The following RBFOX2 variants were observed in gnomAD, a reference collection of about 807,000 sequenced individuals.
The protein encoded by RBFOX2 is RNA binding protein fox-1 homolog 2.
In RBFOX2, 10 loss-of-function variants were observed where a neutral mutation model predicts 49.1. The observed-to-expected ratio is 0.20, with a 90% CI of 0.13 to 0.35. The LOEUF (loss-of-function observed/expected upper bound fraction) is 0.35, where lower values mean the gene tolerates loss of function less well. Among genes scored for constraint, RBFOX2 ranks in the 10% least tolerant of loss-of-function variants. RBFOX2 has a pLI of 1.00. For synonymous variants in RBFOX2, 183 were observed against 187.4 expected (o/e 0.98, Z 0.19); for missense variants, 323 against 486.9 (o/e 0.66, Z 3.17).
At chr22:35,904,215 T>C (rs565871887) in intron 1 of RBFOX2, among the ~76,000 whole-genome samples, 6 of 152,282 alleles carry the variant, frequency 3.9e-5, no homozygotes, top group Non-Finnish European at 8.8e-5. Context: ...CAGACTCCTC[T>C]ATCTAGTTGG....
At chr22:35,812,871 C>CTCT (rs1253309377) in intron 1 of RBFOX2, among the ~76,000 whole-genome samples, 2 of 152,204 alleles carry the variant, frequency 1.3e-5, no homozygotes, top group African/African-American at 4.8e-5. Flanking sequence ...AGTATGAATT[C>CTCT]TCTCACAGCG....
chr22:35,893,966 T>C lies in RBFOX2; in HGVS notation c.-34+44881A>G, dbSNP rs551264017. On this transcript the variant is annotated intron_variant, in intron 1 of 13. Transcript: ENST00000359369. ...TGTTTGCTCAAGAGACATACTGCCATCTTTGCAACGGACTGTAAGATGTTC... is the reference window on the plus strand; with the variant it reads ...TGTTTGCTCAAGAGACATACTGCCACCTTTGCAACGGACTGTAAGATGTTC... Among the ~76,000 whole-genome samples, 18 of 152,244 alleles carry C rather than the reference T, an allele frequency of 1.2e-4. 1 individual carries two copies. In the South Asian group the frequency reaches 3.5e-3, roughly 30 times the overall value.
upstream of RBFOX2, among the ~76,000 whole-genome samples, chr22:35,940,201 T>C (rs988920792): frequency 6.6e-6 from 1 of 152,170 alleles, no homozygotes; most frequent in African/African-American, 2.4e-5. Context: ...TCATCATGGT[T>C]TCCCTGAGAT....
intron 1 of RBFOX2, among the ~76,000 whole-genome samples, chr22:36,015,234 A>G (rs1285697638): frequency 6.6e-6 from 1 of 152,260 alleles, no homozygotes; most frequent in East Asian, 1.9e-4. Flanking sequence ...TAGTTCAAAT[A>G]TAACACAAAA....
intron 1 of RBFOX2, among the ~76,000 whole-genome samples, chr22:36,023,083 T>C (rs2059305709): frequency 1.3e-5 from 2 of 151,836 alleles, no homozygotes; most frequent in African/African-American, 4.8e-5. Flanking sequence ...AAAAACACAA[T>C]ATTTTTATAA....
chr22:35,789,857 T>C (rs746651576), intron 2 of RBFOX2, among the ~76,000 whole-genome samples: 3 of 152,150 alleles, frequency 2.0e-5, no homozygotes, highest in Non-Finnish European at 4.4e-5. Context: ...TCATTGGTTG[T>C]CTATTCAGGA....
chr22:35,937,047 A>G (rs998298723), intron 1 of RBFOX2, among the ~76,000 whole-genome samples: 8 of 152,214 alleles, frequency 5.3e-5, no homozygotes, highest in African/African-American at 1.9e-4. Context: ...ACAGGATGAA[A>G]CAGAAACTGT....
intron 2 of RBFOX2, among the ~76,000 whole-genome samples, chr22:35,782,919 C>T (rs1050146711): frequency 2.6e-5 from 4 of 151,730 alleles, no homozygotes; most frequent in African/African-American, 7.3e-5. Flanking sequence ...GCATGGTAAC[C>T]CAATACGCTC....
rs560429075 is a variant in RBFOX2 at position 35,971,151 on chromosome 22, C to T, written c.187-32254G>A. ...GGGAAAACGGCCAAATTCAAGCCCA[C>T]GTCAGAGCACACCAGGTATGCTCCC... On this transcript the variant is annotated intron_variant, in intron 1 of 13. Transcript: ENST00000438146. Among the ~76,000 whole-genome samples the T allele has an allele frequency of 2.5e-4, 38 of 152,214 alleles. 1 individual carries two copies. The South Asian group carries it at 3.5e-3, about 14-fold the overall frequency.
exon 1 of RBFOX2, chr22:35,840,198 T>C (rs1958485753): frequency 6.2e-7 from 1 of 1,613,994 alleles, no homozygotes; most frequent in African/African-American, 1.3e-5. Flanking sequence ...TTACCTGAGT[T>C]ACCATTTTCT....
intron 1 of RBFOX2, among the ~76,000 whole-genome samples, chr22:36,000,651 G>GT (rs1443117512): frequency 6.6e-6 from 1 of 152,100 alleles, no homozygotes; most frequent in African/African-American, 2.4e-5. Flanking sequence ...ACCCGGGAAT[G>GT]TTTTTTTATC....
intron 2 of RBFOX2, among the ~76,000 whole-genome samples, chr22:35,797,477 CTAA>C (rs1198040802): frequency 6.6e-6 from 1 of 152,136 alleles, no homozygotes. Context: ...ATATCATATA[CTAA>C]TGTGGGAAAT....
chr22:35,960,047 G>A (rs1404621058), intron 1 of RBFOX2, among the ~76,000 whole-genome samples: 5 of 151,750 alleles, frequency 3.3e-5, no homozygotes, highest in East Asian at 3.9e-4. Flanking sequence ...TTTTCAATCC[G>A]TGGTTGGTTG....
intron 1 of RBFOX2, among the ~76,000 whole-genome samples, chr22:36,013,506 C>G (rs73415769): frequency 6.6e-6 from 1 of 152,134 alleles, no homozygotes; most frequent in African/African-American, 2.4e-5. Context: ...AGTCACTTAA[C>G]CAAGATCCCA....
chr22:35,849,332 CAG>C (rs148438882), intron 1 of RBFOX2, among the ~76,000 whole-genome samples: 10 of 149,612 alleles, frequency 6.7e-5, no homozygotes, highest in Admixed American at 1.3e-4. Flanking sequence ...CACACACACA[CAG>C]ACACACAGAA....
chr22:35,861,530 T>C lies in RBFOX2; in HGVS notation c.-33-51526A>G, dbSNP rs144263488. Among the ~76,000 whole-genome samples, 721 of 152,248 alleles carry C rather than the reference T, an allele frequency of 4.7e-3. 1 individual carries two copies. The highest frequency in any genetic ancestry group is 7.7e-3 in the Non-Finnish European group (522 of 68,008). The stretch of plus-strand genomic sequence containing the variant: ...GATTAAAAGAAGATGGTAAATGAGA[T>C]AGTAAACAAGCGCATGAAAAGAAGC... On this transcript the variant is annotated intron_variant, in intron 1 of 13. Transcript: ENST00000359369.
chr22:36,013,453 C>G (rs1010945531), intron 1 of RBFOX2, among the ~76,000 whole-genome samples: 15 of 152,064 alleles, frequency 9.9e-5, no homozygotes, highest in African/African-American at 3.1e-4. Context: ...TACACTAATC[C>G]TATAACACAT....
chr22:35,815,302 G>A (rs1310429178), intron 1 of RBFOX2, among the ~76,000 whole-genome samples: 1 of 152,172 alleles, frequency 6.6e-6, no homozygotes, highest in Admixed American at 6.5e-5. Context: ...TTTTGTTACT[G>A]ATTCTTTAGC....
chr22:35,926,675 T>A (rs994122449), intron 1 of RBFOX2, among the ~76,000 whole-genome samples: 1 of 152,160 alleles, frequency 6.6e-6, no homozygotes, highest in South Asian at 2.1e-4. Context: ...AGAAGAGCGA[T>A]GAGAATAAAA....
Sources: allele counts gnomAD v4.1 joint callset (sites outside exome capture counted in the v4.1 genomes callset), GRCh38; gene constraint gnomAD v4.1.1; transcripts MANE v1.5; gene names NCBI Gene and HGNC (gene_info 2026-07-23, HGNC 2026-07-21).